The following PIK3CA variants were observed in gnomAD, a reference collection of about 807,000 sequenced individuals.
The protein encoded by PIK3CA is phosphatidylinositol-4,5-bisphosphate 3-kinase catalytic subunit alpha, also known as phosphatidylinositol 4,5-bisphosphate 3-kinase catalytic subunit alpha isoform.
Under a neutral mutation model 138.2 loss-of-function variants are expected in PIK3CA, and 27 were observed. That is an observed-to-expected ratio of 0.20 (90% confidence interval 0.14 to 0.27). PIK3CA has a LOEUF of 0.27. Among genes scored for constraint, PIK3CA ranks in the 10% least tolerant of loss-of-function variants. The probability of loss-of-function intolerance (pLI) is 1.00; values close to 1 mark genes in which losing one functional copy is unlikely to be tolerated. For missense variants in PIK3CA, 544 were observed against 1,277.4 expected (o/e 0.43, Z 8.75); for synonymous variants, 358 against 413.2 (o/e 0.87, Z 1.62).
chr3:179,179,558 A>G (rs1723788407), intron 1 of PIK3CA, among the ~76,000 whole-genome samples: 2 of 152,218 alleles, frequency 1.3e-5, no homozygotes, highest in African/African-American at 4.8e-5. Flanking sequence ...TGTATATTAT[A>G]TATCTTGTTT....
intron 9 of PIK3CA, among the ~76,000 whole-genome samples, chr3:179,216,529 T>C (rs1431891947): frequency 6.6e-6 from 1 of 152,136 alleles, no homozygotes; most frequent in Non-Finnish European, 1.5e-5. Context: ...ATAAAATAAC[T>C]CCTTGAGTTG....
intron 20 of PIK3CA, chr3:179,233,476 A>G (rs1463606682): frequency 2.3e-5 from 9 of 394,746 alleles, no homozygotes; most frequent in Admixed American, 4.4e-5. Flanking sequence ...AGGGAATACA[A>G]TTTAATTTGT....
rs375645906 is a variant in PIK3CA at position 179,239,341 on chromosome 3, CAAG to C, written c.*4978_*4980del. ...ATTTTTGTCAATTTTTCTAGGTTGG[CAAG>C]GAGGCAGAAAACCTTCATTGTTTCA... On this transcript the variant is annotated 3_prime_UTR_variant, in exon 21 of 21. Coordinates refer to ENST00000263967, the MANE Select transcript of PIK3CA (RefSeq NM_006218.4). 5.5e-5 allele frequency: 11 copies of C among 201,294 alleles called. No homozygotes were observed. Among genetic ancestry groups the C allele is most frequent in the African/African-American group, 1.6e-4 (7 of 43,432 alleles). 12.5% of individuals were successfully genotyped at this position (201,294 alleles called of 1,614,324 possible).
chr3:179,195,723 A>C (rs1321744221), intron 1 of PIK3CA, among the ~76,000 whole-genome samples: 5 of 152,216 alleles, frequency 3.3e-5, no homozygotes, highest in African/African-American at 1.2e-4. Context: ...CATTTATTGG[A>C]GGCAAGTGAC....
chr3:179,211,836 G>A (rs1216027246), intron 9 of PIK3CA, among the ~76,000 whole-genome samples: 1 of 152,116 alleles, frequency 6.6e-6, no homozygotes, highest in Non-Finnish European at 1.5e-5. Flanking sequence ...TATGAGGGCT[G>A]TAAGGAGTGC....
intron 1 of PIK3CA, among the ~76,000 whole-genome samples, chr3:179,159,248 A>C (rs1723216034): frequency 6.6e-6 from 1 of 152,176 alleles, no homozygotes; most frequent in Non-Finnish European, 1.5e-5. Flanking sequence ...ATGTACAATG[A>C]AAAAATAACA....
chr3:179,203,089 C>T (rs578073556), intron 4 of PIK3CA, among the ~76,000 whole-genome samples: 150 of 151,686 alleles, frequency 9.9e-4, no homozygotes, highest in Non-Finnish European at 1.7e-3. Context: ...TACAGGCGCC[C>T]GCCACTACGC....
chr3:179,190,278 TA>T (rs540867219), intron 1 of PIK3CA, among the ~76,000 whole-genome samples: 47 of 151,200 alleles, frequency 3.1e-4, no homozygotes, highest in South Asian at 2.3e-3. Context: ...TTATAGTGCA[TA>T]AAAAAAAGTG....
In PIK3CA at chr3:179,237,346, T is replaced by G. The variant is rs1456232611; in HGVS notation, c.*2982T>G. On this transcript the variant is annotated 3_prime_UTR_variant, in exon 21 of 21. Transcript: ENST00000263967. ...GTGTCAAAGTAATCAACTTTGAGAT[T>G]TTCCCTTCTATTCTGCTTTATATTA... is the stretch of plus-strand genomic sequence containing the variant. The G allele has an allele frequency of 1.5e-5, 3 of 196,034 alleles. No individual in the cohort carries two copies. Among genetic ancestry groups the G allele is most frequent in the Non-Finnish European group, 3.2e-5 (3 of 94,420 alleles). 12.1% of individuals were successfully genotyped at this position (196,034 alleles called of 1,614,324 possible). A position where few individuals can be genotyped will look rare whatever the true frequency, so the allele number is the denominator to read the frequency against.
intron 1 of PIK3CA, among the ~76,000 whole-genome samples, chr3:179,191,798 C>T (rs1724143689): frequency 6.6e-6 from 1 of 151,988 alleles, no homozygotes; most frequent in Non-Finnish European, 1.5e-5. Flanking sequence ...CACCAGGGCC[C>T]AGCTAATTTT....
chr3:179,156,690 A>C (rs1723146674), intron 1 of PIK3CA, among the ~76,000 whole-genome samples: 1 of 152,162 alleles, frequency 6.6e-6, no homozygotes, highest in Admixed American at 6.5e-5. Context: ...CAACTTTTGA[A>C]TATTTTTTAA....
chr3:179,151,257 T>C (rs1187070910), intron 1 of PIK3CA, among the ~76,000 whole-genome samples: 1 of 152,236 alleles, frequency 6.6e-6, no homozygotes, highest in East Asian at 1.9e-4. Context: ...GGTATTCTAA[T>C]CTGAAGTCAG....
chr3:179,222,168 A>G (rs1724984325), intron 14 of PIK3CA, among the ~76,000 whole-genome samples: 1 of 152,158 alleles, frequency 6.6e-6, no homozygotes. Context: ...TGAGTCCCCA[A>G]AGGACAGAGA....
intron 1 of PIK3CA, among the ~76,000 whole-genome samples, chr3:179,174,452 G>A (rs1295981474): frequency 6.6e-6 from 1 of 152,182 alleles, no homozygotes; most frequent in Non-Finnish European, 1.5e-5. Flanking sequence ...AGCCTGAGCA[G>A]CAGAGCTAGA....
chr3:179,193,516 A>G (rs527712035), intron 1 of PIK3CA, among the ~76,000 whole-genome samples: 7 of 152,324 alleles, frequency 4.6e-5, no homozygotes, highest in East Asian at 1.9e-4. Flanking sequence ...TGTACCCCCA[A>G]GTCTCCACCA....
chr3:179,159,529 A>G (rs1723223686), intron 1 of PIK3CA, among the ~76,000 whole-genome samples: 1 of 152,202 alleles, frequency 6.6e-6, no homozygotes, highest in Admixed American at 6.5e-5. Flanking sequence ...AATCCTCACA[A>G]TAACACTTCT....
At chr3:179,207,151 A>G (rs1048655305) in intron 6 of PIK3CA, among the ~76,000 whole-genome samples, 36 of 152,168 alleles carry the variant, frequency 2.4e-4, no homozygotes, top group Admixed American at 2.4e-3. Flanking sequence ...AAAGATAGAA[A>G]AGTAGATTTT....
In PIK3CA at chr3:179,219,670, G is replaced by C. The variant is rs1560145356; in HGVS notation, c.1846G>C (p.Val616Leu). 6.2e-7 allele frequency: 1 copy of C among 1,611,864 alleles called. No homozygotes were observed. Among genetic ancestry groups the C allele is most frequent in the Non-Finnish European group, 8.5e-7 (1 of 1,178,406 alleles). Reference sequence around the variant, plus strand: ...AGATCCTATGGTTCGAGGTTTTGCTGTTCGGTGCTTGGAAAAATATTTAAC... The same window carrying C: ...AGATCCTATGGTTCGAGGTTTTGCTCTTCGGTGCTTGGAAAAATATTTAAC... ...YPDPMVRGFA[V>L]RCLEKYLTDD... Residue 616 changes from valine to leucine, a missense_variant, in exon 12 of 21, where the codon GTT becomes CTT. Around this residue, in one of 14 missense-constraint regions of PIK3CA, gnomAD observed 22 missense variants for 30.5 expected, o/e 0.72. Transcript: ENST00000263967. The surrounding 1 kb of genome is among the most constrained non-coding windows in gnomAD (Gnocchi z 4.2).
At chr3:179,228,882 C>G (rs1365226755) in intron 17 of PIK3CA, among the ~76,000 whole-genome samples, 1 of 151,982 alleles carries the variant, frequency 6.6e-6, no homozygotes, top group Non-Finnish European at 1.5e-5. Context: ...GTAATTTCTA[C>G]AAGTGTAAAG....
Sources: gnomAD v4.1 joint callset for allele counts (sites outside exome capture counted in the v4.1 genomes callset) on GRCh38, gnomAD v4.1.1 for gene constraint, gnomAD v4.1.1 regional missense constraint, Gnocchi (gnomAD v3.1) non-coding constraint, MANE v1.5 for transcripts, NCBI Gene and HGNC (gene_info 2026-07-23, HGNC 2026-07-21) for gene names.